Variants in GRID2IP observed in about 807,000 individuals in gnomAD.
The protein encoded by GRID2IP is delphilin.
Under a neutral mutation model 114.3 loss-of-function variants are expected in GRID2IP, and 78 were observed. The ratio of observed to expected loss-of-function variants is 0.68; its 90% confidence interval spans 0.57 to 0.82. The LOEUF is 0.82. Ranked by LOEUF, GRID2IP falls within the 40% of genes least tolerant of loss-of-function variation. The pLI is 0.00. For synonymous variants in GRID2IP, 809 were observed against 724.0 expected, an observed-to-expected ratio of 1.12 and a Z score of -1.89; for missense variants, 1,727 against 1,678.5, an observed-to-expected ratio of 1.03 and a Z score of -0.51.
Position 6,519,697 on chromosome 7 carries a change from C to T in GRID2IP, c.1268+881G>A, listed in dbSNP as rs778087087. On this transcript the variant is annotated intron_variant, in intron 7 of 21. Coordinates refer to ENST00000457091, the MANE Select transcript of GRID2IP (RefSeq NM_001145118.2). This position sits in a 1 kb window ranked among gnomAD's most constrained non-coding sequence, Gnocchi z 4.1. ...GCTTGAGTCCGGGAGGTGGGGGTTG[C>T]GGTGAGCCGAGATCGCACCACTGCA... Among the ~76,000 whole-genome samples the T allele has an allele frequency of 1.3e-5, 2 of 151,846 alleles. No individual in the cohort carries two copies. The highest frequency in any genetic ancestry group is 2.9e-5 in the Non-Finnish European group (2 of 67,980).
At position 6,509,237 on chromosome 7, in the gene GRID2IP, C is replaced by T. The variant is rs770312601; in HGVS notation, c.1848G>A (p.Ser616=). 1,319 of 1,518,258 alleles carry T rather than the reference C, an allele frequency of 8.7e-4. No homozygotes were observed. Among genetic ancestry groups the T allele is most frequent in the Non-Finnish European group, 1.0e-3 (1,173 of 1,130,780 alleles). The allele number at this position is 1,518,258 out of a possible 1,614,324, so 94.0% of individuals were successfully genotyped here. Residue 616 remains serine (S), a synonymous_variant, in exon 12 of 22, where the codon TCG becomes TCA. Coordinates refer to ENST00000457091, the MANE Select transcript of GRID2IP (RefSeq NM_001145118.2). This position sits in a 1 kb window ranked among gnomAD's most constrained non-coding sequence, Gnocchi z 4.9. The part of the protein sequence containing the change: ...LPSPCYHPLC[S]GGLASPSSSE... Reference sequence around the variant, plus strand: ...AGCTGCTGGGGGAGGCCAGACCCCCCGAACACAGCGGGTGGTAGCAGGGGG... The same window carrying T: ...AGCTGCTGGGGGAGGCCAGACCCCCTGAACACAGCGGGTGGTAGCAGGGGG...
intron 2 of GRID2IP, chr7:6,531,291 C>T (rs945104018): frequency 2.5e-6 from 1 of 403,394 alleles, no homozygotes; most frequent in African/African-American, 2.1e-5. Context: ...GGTAGCCCCG[C>T]CTCTGCCCTG....
chr7:6,520,303 T>C lies in GRID2IP; in HGVS notation c.1268+275A>G, dbSNP rs538405000. ...GAGACTCCATCTCAAAAAAAAAAAA[T>C]AGAATGTTGCAGGTGGTTCCTGTCT... On this transcript the variant is annotated intron_variant, in intron 7 of 21. Coordinates refer to ENST00000457091, the MANE Select transcript of GRID2IP (RefSeq NM_001145118.2). The surrounding 1 kb of genome is among the most constrained non-coding windows in gnomAD (Gnocchi z 4.6). Among the ~76,000 whole-genome samples, 11 of 146,042 alleles carry C rather than the reference T, an allele frequency of 7.5e-5. No individual in the cohort carries two copies. Among genetic ancestry groups the C allele is most frequent in the South Asian group, 2.1e-4 (1 of 4,654 alleles).
intron 1 of GRID2IP, among the ~76,000 whole-genome samples, chr7:6,543,360 G>C (rs1487096936): frequency 6.6e-6 from 1 of 151,066 alleles, no homozygotes; most frequent in Admixed American, 6.6e-5. Flanking sequence ...TCGTGCCACT[G>C]CACTCCAGCC....
In GRID2IP at chr7:6,551,094, G is replaced by C. The variant is rs1326135089; in HGVS notation, c.343C>G (p.Arg115Gly). 1.3e-5 allele frequency: 17 copies of C among 1,307,140 alleles called. No homozygotes were observed. The highest frequency in any genetic ancestry group is 2.9e-4 in the Middle Eastern group (1 of 3,486). 81.0% of individuals were successfully genotyped at this position (1,307,140 alleles called of 1,614,324 possible). The change falls in exon 1 of 22, where the codon CGT becomes GGT. Residue 115 changes from arginine (R) to glycine (G), a missense_variant. Transcript: ENST00000457091. The part of the protein sequence containing the change: ...PRCGRGLALG[R>G]ELLRLAGRKR... ...CGGCCGGCCAGGCGAAGCAGCTCAC[G>C]GCCCAGAGCTAGGCCGCGGCCGCAC...
Position 6,507,853 on chromosome 7 carries a change from C to G in GRID2IP, c.2544+132G>C. 7.2e-7 allele frequency: 1 copy of G among 1,383,070 alleles called. No individual in the cohort carries two copies. The highest frequency in any genetic ancestry group is 9.6e-7 in the Non-Finnish European group (1 of 1,043,016). 85.7% of individuals were successfully genotyped at this position (1,383,070 alleles called of 1,614,324 possible). On this transcript the variant is annotated intron_variant, in intron 13 of 21. Coordinates refer to ENST00000457091, the MANE Select transcript of GRID2IP (RefSeq NM_001145118.2). The surrounding 1 kb of genome is among the most constrained non-coding windows in gnomAD (Gnocchi z 5.3). ...AGCGTGGGGACGTTCTTGGGCTGGGCCTCTACTCATCCTCTGCTTGGGGTA... is the reference window on the plus strand; with the variant it reads ...AGCGTGGGGACGTTCTTGGGCTGGGGCTCTACTCATCCTCTGCTTGGGGTA...
intron 2 of GRID2IP, among the ~76,000 whole-genome samples, chr7:6,527,572 A>ACT (rs924003313): frequency 6.6e-6 from 1 of 151,598 alleles, no homozygotes; most frequent in African/African-American, 2.4e-5. Context: ...AGGGCTAGAA[A>ACT]CTCTCTCTCT....
chr7:6,545,910 C>T (rs1386371899), intron 1 of GRID2IP, among the ~76,000 whole-genome samples: 1 of 152,036 alleles, frequency 6.6e-6, no homozygotes, highest in Non-Finnish European at 1.5e-5. Flanking sequence ...CAGCAGCAAC[C>T]TCAATTCAAA....
At chr7:6,550,116 G>C (rs1779951666) in intron 1 of GRID2IP, among the ~76,000 whole-genome samples, 1 of 151,982 alleles carries the variant, frequency 6.6e-6, no homozygotes, top group Non-Finnish European at 1.5e-5. Context: ...TCAGTCTCCT[G>C]AGTATCTGGG....
intron 7 of GRID2IP, among the ~76,000 whole-genome samples, chr7:6,517,876 C>T (rs947298011): frequency 2.0e-5 from 3 of 151,628 alleles, no homozygotes; most frequent in African/African-American, 7.3e-5. Context: ...GAACTCCAGC[C>T]TGGGCGACAG....
Position 6,523,640 on chromosome 7 carries a change from C to A in GRID2IP, c.920-1683G>T, listed in dbSNP as rs1293666185. Among the ~76,000 whole-genome samples, 1 of 152,104 alleles carries A rather than the reference C, an allele frequency of 6.6e-6. No individual in the cohort carries two copies. On this transcript the variant is annotated intron_variant, in intron 4 of 21. Coordinates refer to ENST00000457091, the MANE Select transcript of GRID2IP (RefSeq NM_001145118.2). The surrounding 1 kb of genome is among the most constrained non-coding windows in gnomAD (Gnocchi z 4.5). ...CTGGAGTGCAGTGGCATGATCATAG[C>A]TCACTACAGCCTCGAACTTCTGGGC...
At chr7:6,510,531 G>C (rs1338314137) in intron 10 of GRID2IP, 78 bp downstream of exon 10, 5 of 1,330,876 alleles carry the variant, frequency 3.8e-6, no homozygotes, top group Admixed American at 5.8e-5. Flanking sequence ...CTTGGCCTGG[G>C]TCTCCTGGGC....
At position 6,551,366 on chromosome 7, in the gene GRID2IP, G is replaced by C. The variant is rs1334514050; in HGVS notation, c.71C>G (p.Ser24Cys). Residue 24 changes from serine (S) to cysteine (C), a missense_variant, in exon 1 of 22, where the codon TCT becomes TGT. Physicochemically the swap from Ser to Cys is moderately radical, Grantham distance 112 (BLOSUM62 -1). Coordinates refer to ENST00000457091, the MANE Select transcript of GRID2IP (RefSeq NM_001145118.2). ...CACCTCCAGGACGAAGCAGGGGCCA[G>C]AGCCACCTAGCCGGAAGCCAAAGTC... Reference protein sequence around the residue: ...PEDFGFRLGGSGPCFVLEVAK... With the variant: ...PEDFGFRLGGCGPCFVLEVAK... 2 of 1,548,820 alleles carry C rather than the reference G, an allele frequency of 1.3e-6. No individual in the cohort carries two copies. The highest frequency in any genetic ancestry group is 1.7e-6 in the Non-Finnish European group (2 of 1,146,354).
At position 6,521,617 on chromosome 7, in the gene GRID2IP, A is replaced by G; in HGVS notation, c.990-94T>C. 9.3e-6 allele frequency: 8 copies of G among 857,794 alleles called. No individual in the cohort carries two copies. The highest frequency in any genetic ancestry group is 1.7e-5 in the African/African-American group (1 of 58,864). 53.1% of individuals were successfully genotyped at this position (857,794 alleles called of 1,614,324 possible). On this transcript the variant is annotated intron_variant, in intron 5 of 21. Transcript: ENST00000457091. This position sits in a 1 kb window ranked among gnomAD's most constrained non-coding sequence, Gnocchi z 4.1. ...TCCCTGTCCTGCCCACAGAGGTCAC[A>G]CAGCAAGACCACCTCTGTGTGACTC...
rs374793563 is a variant in GRID2IP, at chr7:6,509,032, C to T, written c.2053G>A (p.Val685Met). 2.7e-5 allele frequency: 42 copies of T among 1,543,044 alleles called. No individual in the cohort carries two copies. The highest frequency in any genetic ancestry group is 4.1e-5 in the African/African-American group (3 of 72,642). ...RSRDTDRFLD[V>M]LSEQLGPRVT... ...CGGGGGCCCAGCTGCTCGCTCAGCA[C>T]GTCCAGGAAGCGGTCAGTATCGCGG... The change falls in exon 12 of 22, where the codon GTG becomes ATG. Residue 685 changes from valine (V) to methionine (M), a missense_variant. Physicochemically the swap from Val to Met is conservative, Grantham distance 21. Transcript: ENST00000457091. The surrounding 1 kb of genome is among the most constrained non-coding windows in gnomAD (Gnocchi z 4.9).
In GRID2IP at chr7:6,508,770, T is replaced by C. The variant is rs1383674335; in HGVS notation, c.2127+188A>G. 2.0e-5 allele frequency among the ~76,000 whole-genome samples: 3 copies of C among 152,034 alleles called. No individual in the cohort carries two copies. ...ATGGGCTAGCCTCAGTCAAGGAGCA[T>C]GATAACCTTGAACAGGAGATAGGGT... On this transcript the variant is annotated intron_variant, in intron 12 of 21. Transcript: ENST00000457091. This position sits in a 1 kb window ranked among gnomAD's most constrained non-coding sequence, Gnocchi z 5.6.
intron 20 of GRID2IP, 43 bp from the exon 21 acceptor site, chr7:6,498,271 C>T: frequency 6.7e-7 from 1 of 1,500,432 alleles, no homozygotes; most frequent in African/African-American, 1.4e-5. Context: ...CGCTTGTGCC[C>T]CCAGGGTCTC....
chr7:6,498,038 C>T (rs1466073285), intron 21 of GRID2IP, 26 bp downstream of exon 21: 1 of 1,518,288 alleles, frequency 6.6e-7, no homozygotes, highest in Non-Finnish European at 8.8e-7. Context: ...TCCAAAAGGG[C>T]CCCTCAGGGC....
In GRID2IP at chr7:6,514,545, G is replaced by A. The variant is rs1431432952; in HGVS notation, c.1269-16C>T. On this transcript the variant is annotated splice_polypyrimidine_tract_variant and intron_variant, in intron 7 of 21. Transcript: ENST00000457091. ...GTCGATGTTCCTGGGGGAAGGTGCA[G>A]GAATGTGAGGCTCAATACTCACGGG... is the stretch of plus-strand genomic sequence containing the variant. The A allele has an allele frequency of 2.7e-6, 4 of 1,496,284 alleles. No homozygotes were observed. In the East Asian group the frequency reaches 1.0e-4, roughly 37 times the overall value. The allele number at this position is 1,496,284 out of a possible 1,614,324, so 92.7% of individuals were successfully genotyped here. A position where few individuals can be genotyped will look rare whatever the true frequency, so the allele number is the denominator to read the frequency against.
Sources: allele counts gnomAD v4.1 joint callset (sites outside exome capture counted in the v4.1 genomes callset), GRCh38; gene constraint gnomAD v4.1.1; non-coding constraint Gnocchi (gnomAD v3.1); transcripts MANE v1.5; gene names NCBI Gene and HGNC (gene_info 2026-07-23, HGNC 2026-07-21).